CWF19L1: variants seen among roughly 807,000 people sequenced by gnomAD.
CWF19L1 encodes CWF19-like protein 1.
Under a neutral mutation model 69.7 loss-of-function variants are expected in CWF19L1, and 60 were observed. The observed-to-expected ratio is 0.86, with a 90% CI of 0.70 to 1.07. The LOEUF (loss-of-function observed/expected upper bound fraction) is 1.07. CWF19L1 is among the 50% of genes least tolerant of loss of function. The pLI is 0.00. For synonymous variants in CWF19L1, 209 were observed against 222.2 expected (o/e 0.94, Z 0.53); for missense variants, 591 against 638.9 (o/e 0.92, Z 0.81).
At chr10:100,253,875 G>T in intron 5 of CWF19L1, 1 of 189,026 alleles carries the variant, frequency 5.3e-6, no homozygotes, top group African/African-American at 2.5e-5. Context: ...TTCTAGTTTT[G>T]GTTTGTTTTT....
At chr10:100,264,417 C>T (rs1300706104) in intron 1 of CWF19L1, among the ~76,000 whole-genome samples, 2 of 151,814 alleles carry the variant, frequency 1.3e-5, no homozygotes, top group Non-Finnish European at 2.9e-5. Flanking sequence ...TGGTGGCGGG[C>T]GCCTGTAGTC....
rs1003180492 is a variant in CWF19L1, at chr10:100,266,731, G to C, written c.23+840C>G. On this transcript the variant is annotated intron_variant, in intron 1 of 13. Coordinates refer to ENST00000354105, the MANE Select transcript of CWF19L1 (RefSeq NM_018294.6). ...GACGGGGTGTCACCACGTTGGCCAG[G>C]CTGGTCTCGAACTCCTGACCGCAAG... 9.4e-5 allele frequency among the ~76,000 whole-genome samples: 14 copies of C among 149,622 alleles called. 1 individual carries two copies. The highest frequency in any genetic ancestry group is 1.3e-4 in the Non-Finnish European group (9 of 67,788).
chr10:100,255,025 A>T (rs1387542898), intron 5 of CWF19L1, among the ~76,000 whole-genome samples: 3 of 152,212 alleles, frequency 2.0e-5, no homozygotes, highest in Non-Finnish European at 2.9e-5. Context: ...ATCATCACTG[A>T]TAATCCTGAA....
chr10:100,234,412 CTTCT>C (rs1832632340), intron 13 of CWF19L1, among the ~76,000 whole-genome samples: 2 of 152,162 alleles, frequency 1.3e-5, no homozygotes, highest in African/African-American at 4.8e-5. Context: ...TTCAGAGAAT[CTTCT>C]TTTTGTGTGC....
chr10:100,234,584 T>A (rs996297847), intron 13 of CWF19L1, among the ~76,000 whole-genome samples: 4 of 152,196 alleles, frequency 2.6e-5, no homozygotes, highest in African/African-American at 9.6e-5. Flanking sequence ...GACAACTACA[T>A]TTACTGGACT....
intron 4 of CWF19L1, among the ~76,000 whole-genome samples, chr10:100,259,373 G>C (rs902503335): frequency 2.6e-5 from 4 of 152,102 alleles, no homozygotes; most frequent in African/African-American, 9.7e-5. Context: ...TGGAACTGAA[G>C]AGTGTACCTA....
At chr10:100,235,182 C>T (rs760192792) in intron 13 of CWF19L1, among the ~76,000 whole-genome samples, 3 of 152,150 alleles carry the variant, frequency 2.0e-5, no homozygotes, top group Non-Finnish European at 4.4e-5. Flanking sequence ...AAAAGTCTAC[C>T]GGGCACTGCT....
In CWF19L1 at chr10:100,248,951, G is replaced by C. The variant is rs1463700798; in HGVS notation, c.708+1297C>G. On this transcript the variant is annotated intron_variant, in intron 7 of 13. Coordinates refer to ENST00000354105, the MANE Select transcript of CWF19L1 (RefSeq NM_018294.6). ...ATCGCCAACTCACTGGCCACCGCAG[G>C]GAACAGCCTGATAGAGCTGCGCAAG... 4.0e-6 allele frequency: 3 copies of C among 756,498 alleles called. No homozygotes were observed. In the African/African-American group the frequency reaches 5.1e-5, roughly 13 times the overall value. 46.9% of individuals were successfully genotyped at this position (756,498 alleles called of 1,614,324 possible). A position where few individuals can be genotyped will look rare whatever the true frequency, so the allele number is the denominator to read the frequency against.
chr10:100,247,823 G>A (rs753733441), intron 7 of CWF19L1, among the ~76,000 whole-genome samples: 58 of 152,142 alleles, frequency 3.8e-4, no homozygotes, highest in Non-Finnish European at 6.8e-4. Context: ...TTGAACATGG[G>A]AGGTGGAGGT....
chr10:100,261,722 T>C (rs543635100), intron 2 of CWF19L1, among the ~76,000 whole-genome samples: 2 of 152,316 alleles, frequency 1.3e-5, no homozygotes, highest in South Asian at 2.1e-4. Flanking sequence ...TAGGGAAGTG[T>C]TGCTAGTCTG....
At chr10:100,249,597 T>C (rs1049638845) in intron 7 of CWF19L1, among the ~76,000 whole-genome samples, 7 of 152,040 alleles carry the variant, frequency 4.6e-5, no homozygotes, top group African/African-American at 1.4e-4. Context: ...TTTTTTTTTG[T>C]TTCCCGAGAC....
intron 1 of CWF19L1, among the ~76,000 whole-genome samples, chr10:100,265,732 G>A (rs1847558831): frequency 6.6e-6 from 1 of 151,848 alleles, no homozygotes; most frequent in Non-Finnish European, 1.5e-5. Flanking sequence ...TGTTGGCCAG[G>A]CTGGTCTTGA....
Position 100,261,021 on chromosome 10 carries a change from G to T in CWF19L1, c.132C>A (p.Phe44Leu). 1 of 1,612,672 alleles carries T rather than the reference G, an allele frequency of 6.2e-7. No homozygotes were observed. Among genetic ancestry groups the T allele is most frequent in the South Asian group, 1.1e-5 (1 of 90,904 alleles). Residue 44 changes from phenylalanine (F) to leucine (L), a missense_variant, in exon 3 of 14, where the codon TTC becomes TTA. This residue lies in a region of CWF19L1 where 129 missense variants were observed against 131.3 expected (regional missense o/e 0.98). Transcript: ENST00000354105. ...NFDLLLCVGN[F>L]FGSTQDAEWE... ...ATTCAGCATCTTGGGTGGAGCCAAA[G>T]AAATTTCCTACACACAACAGCAGCT...
At chr10:100,247,027 A>G in intron 7 of CWF19L1, 92 bp from the exon 8 acceptor site, 1 of 1,189,978 alleles carries the variant, frequency 8.4e-7, no homozygotes. Context: ...CACAGAAAAC[A>G]TGTGAAACTC....
Position 100,232,476 on chromosome 10 carries a change from G to A in CWF19L1, c.*751C>T, listed in dbSNP as rs979598573. On this transcript the variant is annotated 3_prime_UTR_variant, in exon 14 of 14. Coordinates refer to ENST00000354105, the MANE Select transcript of CWF19L1 (RefSeq NM_018294.6). ...CACCCAGGCTGGAGTGCAATGGAGC[G>A]ATCTTGGCTCACTGCAACCTCCACC... 1.3e-5 allele frequency: 2 copies of A among 152,360 alleles called. No individual in the cohort carries two copies. 9.4% of individuals were successfully genotyped at this position (152,360 alleles called of 1,614,324 possible).
At chr10:100,255,855 G>A (rs775286637) in intron 5 of CWF19L1, among the ~76,000 whole-genome samples, 29 of 151,460 alleles carry the variant, frequency 1.9e-4, no homozygotes, top group Non-Finnish European at 3.5e-4. Flanking sequence ...ATTTGAACCC[G>A]GGAGGAGGAG....
chr10:100,241,824 G>A (rs533275446), intron 10 of CWF19L1, among the ~76,000 whole-genome samples: 1 of 152,270 alleles, frequency 6.6e-6, no homozygotes, highest in South Asian at 2.1e-4. Flanking sequence ...ATCCATTCAT[G>A]AAGGCAGAGT....
intron 5 of CWF19L1, 61 bp from the exon 6 acceptor site, chr10:100,253,600 T>C: frequency 1.1e-6 from 1 of 920,658 alleles, no homozygotes; most frequent in Non-Finnish European, 1.8e-6. Flanking sequence ...TGCAAATAAA[T>C]AATAAGACAT....
chr10:100,262,805 T>C (rs1181569354), intron 1 of CWF19L1, among the ~76,000 whole-genome samples: 1 of 152,248 alleles, frequency 6.6e-6, no homozygotes, highest in African/African-American at 2.4e-5. Flanking sequence ...AATTCTGATT[T>C]ATGTGGTTTT....
Sources: gnomAD v4.1 joint callset for allele counts (sites outside exome capture counted in the v4.1 genomes callset) on GRCh38, gnomAD v4.1.1 for gene constraint, gnomAD v4.1.1 regional missense constraint, MANE v1.5 for transcripts, NCBI Gene and HGNC (gene_info 2026-07-23, HGNC 2026-07-21) for gene names.